Variants in CACNA2D4 observed in about 807,000 individuals in gnomAD.
The protein encoded by CACNA2D4 is voltage-dependent calcium channel subunit alpha-2/delta-4.
In CACNA2D4, 157 loss-of-function variants were observed where a neutral mutation model predicts 163.8. That is an observed-to-expected ratio of 0.96 (90% confidence interval 0.84 to 1.09). The LOEUF (loss-of-function observed/expected upper bound fraction) is 1.09. Ranked by LOEUF, CACNA2D4 falls within the 50% of genes least tolerant of loss-of-function variation. The pLI is 0.00. For synonymous variants in CACNA2D4, 598 were observed against 586.9 expected, an observed-to-expected ratio of 1.02 and a Z score of -0.27; for missense variants, 1,410 against 1,479.9, an observed-to-expected ratio of 0.95 and a Z score of 0.78.
intron 26 of CACNA2D4, among the ~76,000 whole-genome samples, chr12:1,815,494 T>C (rs1430463020): frequency 6.6e-6 from 1 of 150,960 alleles, no homozygotes; most frequent in Non-Finnish European, 1.5e-5. Context: ...TATTACTTTT[T>C]AAATTTTCTA....
chr12:1,795,333 C>A lies in CACNA2D4; in HGVS notation c.3275G>T (p.Arg1092Leu), dbSNP rs768659838. 1.2e-6 allele frequency: 2 copies of A among 1,612,834 alleles called. No individual in the cohort carries two copies. Among genetic ancestry groups the A allele is most frequent in the Non-Finnish European group, 1.7e-6 (2 of 1,179,860 alleles). ...GAAGGCGTGGCAGGAGTCTGGTCGC[C>A]GGCGGAGCTTCTGGGAGCGCATCCG... ...CDRMRSQKLR[R>L]RPDSCHAFHP... The change falls in exon 37 of 38, where the codon CGG becomes CTG. Residue 1092 changes from arginine (R) to leucine (L), a missense_variant. By Grantham distance (102) the Arg-to-Leu change is moderately radical. Coordinates refer to ENST00000382722, the MANE Select transcript of CACNA2D4 (RefSeq NM_172364.5).
chr12:1,828,966 G>C lies in CACNA2D4; in HGVS notation c.2551+11773C>G, dbSNP rs571768381. 4.6e-5 allele frequency among the ~76,000 whole-genome samples: 7 copies of C among 152,202 alleles called. No homozygotes were observed. Among genetic ancestry groups the C allele is most frequent in the African/African-American group, 1.4e-4 (6 of 41,456 alleles). On this transcript the variant is annotated intron_variant, in intron 26 of 37. Coordinates refer to ENST00000382722, the MANE Select transcript of CACNA2D4 (RefSeq NM_172364.5). The surrounding 1 kb of genome is among the most constrained non-coding windows in gnomAD (Gnocchi z 4.2). The stretch of plus-strand genomic sequence containing the variant: ...GGTGGCAGGGAGGAAACGGTCCCGC[G>C]GGACGGCATTCCGCCTGACTTCCCG...
intron 1 of CACNA2D4, 130 bp downstream of exon 1, chr12:1,918,117 G>A (rs1371473862): frequency 5.7e-6 from 4 of 701,186 alleles, no homozygotes; most frequent in African/African-American, 5.5e-5. Flanking sequence ...GTGGTCAGTC[G>A]CAGCCACTGG....
chr12:1,796,749 G>A (rs1863140296), intron 35 of CACNA2D4, among the ~76,000 whole-genome samples: 1 of 152,192 alleles, frequency 6.6e-6, no homozygotes, highest in African/African-American at 2.4e-5. Context: ...CCTGGCGAGC[G>A]GCACGTCTGG....
At chr12:1,884,476 G>A (rs1207426208) in intron 11 of CACNA2D4, among the ~76,000 whole-genome samples, 155 bp from the exon 12 acceptor site, 3 of 152,046 alleles carry the variant, frequency 2.0e-5, no homozygotes, top group East Asian at 1.9e-4. Flanking sequence ...AACACAATTC[G>A]CCCAGGGCCA....
In CACNA2D4 at chr12:1,799,684, A is replaced by C. The variant is rs1406651668; in HGVS notation, c.2986T>G (p.Phe996Val). 3 of 1,572,692 alleles carry C rather than the reference A, an allele frequency of 1.9e-6. No homozygotes were observed. The East Asian group carries it at 7.1e-5, about 37-fold the overall frequency. ...CAGCTGGGCTACTTACAGTGATGGA[A>C]GACACTTTTGGCTGGCCGGAACATA... Reference protein sequence around the residue: ...YDRGAEAKSVFHHSHKHKKQD... With the variant: ...YDRGAEAKSVVHHSHKHKKQD... Residue 996 changes from phenylalanine to valine, a missense_variant, in exon 34 of 38, where the codon TTC (phenylalanine) becomes GTC (valine). Transcript: ENST00000382722. This position sits in a 1 kb window ranked among gnomAD's most constrained non-coding sequence, Gnocchi z 4.7.
chr12:1,838,795 C>A (rs1414549711), intron 26 of CACNA2D4, among the ~76,000 whole-genome samples: 1 of 152,210 alleles, frequency 6.6e-6, no homozygotes, highest in Non-Finnish European at 1.5e-5. Context: ...AGGCCCCCAT[C>A]ACGTGGGAGC....
intron 18 of CACNA2D4, among the ~76,000 whole-genome samples, chr12:1,871,085 GGT>G (rs1163173322): frequency 2.0e-5 from 3 of 151,644 alleles, no homozygotes; most frequent in Non-Finnish European, 4.4e-5. Context: ...ACGTGTTGCT[GGT>G]GTGTGTGTAC....
At chr12:1,892,094 T>C (rs1247665382) in intron 6 of CACNA2D4, among the ~76,000 whole-genome samples, 2 of 30,042 alleles carry the variant, frequency 6.7e-5, no homozygotes, top group African/African-American at 1.6e-4. Context: ...ACAGATATAA[T>C]TCAAAAATAC....
intron 37 of CACNA2D4, 170 bp downstream of exon 37, chr12:1,795,126 CTTA>C (rs1565666450): frequency 3.3e-6 from 2 of 608,044 alleles, no homozygotes; most frequent in East Asian, 2.8e-5. Context: ...AGATCTGTTT[CTTA>C]TTATATCACA....
chr12:1,815,373 G>C (rs750928398), intron 26 of CACNA2D4, among the ~76,000 whole-genome samples: 1 of 150,968 alleles, frequency 6.6e-6, no homozygotes, highest in Non-Finnish European at 1.5e-5. Flanking sequence ...TACATGGCTG[G>C]CTCCTTCCCA....
chr12:1,860,382 C>T (rs1865498047), intron 18 of CACNA2D4, among the ~76,000 whole-genome samples, 176 bp from the exon 19 acceptor site: 1 of 152,258 alleles, frequency 6.6e-6, no homozygotes, highest in Non-Finnish European at 1.5e-5. Context: ...GGCAGATCCT[C>T]TCTAGGTGCA....
chr12:1,870,838 G>T (rs1176465632), intron 18 of CACNA2D4, among the ~76,000 whole-genome samples: 1 of 152,064 alleles, frequency 6.6e-6, no homozygotes, highest in Admixed American at 6.5e-5. Context: ...GAGTAAAGAG[G>T]TATCTGAGCA....
intron 6 of CACNA2D4, among the ~76,000 whole-genome samples, chr12:1,905,194 C>T (rs1160504002): frequency 6.6e-6 from 1 of 152,052 alleles, no homozygotes; most frequent in Non-Finnish European, 1.5e-5. Context: ...ATTAAAAAAA[C>T]TAGCAATAGA....
intron 29 of CACNA2D4, among the ~76,000 whole-genome samples, chr12:1,804,616 G>C (rs1007887904): frequency 3.9e-5 from 6 of 152,248 alleles, no homozygotes; most frequent in African/African-American, 1.4e-4. Flanking sequence ...AATTATGGCA[G>C]CCATGTGCTC....
intron 18 of CACNA2D4, among the ~76,000 whole-genome samples, chr12:1,873,093 C>T (rs1332430731): frequency 6.6e-6 from 1 of 152,114 alleles, no homozygotes; most frequent in African/African-American, 2.4e-5. Flanking sequence ...ATAGGCCCAC[C>T]CTCAGGTTGT....
Position 1,802,015 on chromosome 12 carries a change from C to CTGTGTGTT in CACNA2D4, c.2722-372_2722-371insAACACACA, listed in dbSNP as rs1189908516. 1.4e-5 allele frequency among the ~76,000 whole-genome samples: 2 copies of CTGTGTGTT among 144,168 alleles called. No individual in the cohort carries two copies. Among genetic ancestry groups the CTGTGTGTT allele is most frequent in the Admixed American group, 6.8e-5 (1 of 14,620 alleles). 94.6% of individuals were successfully genotyped at this position (144,168 alleles called of 152,430 possible). A position where few individuals can be genotyped will look rare whatever the true frequency, so the allele number is the denominator to read the frequency against. ...TATGAAACTGGATTTGTTTTATATG[C>CTGTGTGTT]TGTGTGTGTGTGTGTGTGTGTGTGT... On this transcript the variant is annotated intron_variant, in intron 29 of 37. Coordinates refer to ENST00000382722, the MANE Select transcript of CACNA2D4 (RefSeq NM_172364.5). This position sits in a 1 kb window ranked among gnomAD's most constrained non-coding sequence, Gnocchi z 4.7.
At chr12:1,898,540 C>A (rs1436939327) in intron 6 of CACNA2D4, among the ~76,000 whole-genome samples, 1 of 151,150 alleles carries the variant, frequency 6.6e-6, no homozygotes, top group African/African-American at 2.4e-5. Flanking sequence ...ACCTCACACC[C>A]ATTAGGATGG....
Position 1,806,462 on chromosome 12 carries a change from CCACT to C in CACNA2D4, c.2721+3812_2721+3815del, listed in dbSNP as rs954108052. Among the ~76,000 whole-genome samples the C allele has an allele frequency of 6.6e-6, 1 of 152,200 alleles. No homozygotes were observed. Among genetic ancestry groups the C allele is most frequent in the Non-Finnish European group, 1.5e-5 (1 of 68,030 alleles). ...TGCAGATGAGGCCCTTGTGGTTTCCCCACTCACTGACTACGGGGAGGAGGGTGTG... is the reference window on the plus strand; with the variant it reads ...TGCAGATGAGGCCCTTGTGGTTTCCCCACTGACTACGGGGAGGAGGGTGTG... On this transcript the variant is annotated intron_variant, in intron 29 of 37. Coordinates refer to ENST00000382722, the MANE Select transcript of CACNA2D4 (RefSeq NM_172364.5). This position sits in a 1 kb window ranked among gnomAD's most constrained non-coding sequence, Gnocchi z 4.1.
Sources: allele counts gnomAD v4.1 joint callset (sites outside exome capture counted in the v4.1 genomes callset), GRCh38; gene constraint gnomAD v4.1.1; non-coding constraint Gnocchi (gnomAD v3.1); transcripts MANE v1.5; gene names NCBI Gene and HGNC (gene_info 2026-07-23, HGNC 2026-07-21).